The following IL17B variants were observed in gnomAD, a reference collection of about 807,000 sequenced individuals.
The protein encoded by IL17B is interleukin 17B.
Under a neutral mutation model 14.7 loss-of-function variants are expected in IL17B, and 14 were observed. The ratio of observed to expected loss-of-function variants is 0.95; its 90% CI spans 0.63 to 1.49. The LOEUF (loss-of-function observed/expected upper bound fraction) is 1.49, where lower values mean the gene tolerates loss of function less well. Ranked by LOEUF, IL17B falls within the 40% of genes most tolerant of loss-of-function variation. The pLI is 0.00. For synonymous variants in IL17B, 105 were observed against 94.8 expected (o/e 1.11, Z -0.62); for missense variants, 233 against 252.8 (o/e 0.92, Z 0.53).
intron 1 of IL17B, among the ~76,000 whole-genome samples, chr5:149,394,782 C>T (rs1456071384): frequency 1.3e-5 from 2 of 152,166 alleles, no homozygotes; most frequent in Non-Finnish European, 2.9e-5. Flanking sequence ...ACATCACACT[C>T]ATTTCCTATG....
intron 1 of IL17B, among the ~76,000 whole-genome samples, chr5:149,400,533 G>A (rs939473924): frequency 6.6e-6 from 1 of 152,216 alleles, no homozygotes; most frequent in Non-Finnish European, 1.5e-5. Context: ...GCAGAGGCAG[G>A]AGTGACCTCC....
intron 1 of IL17B, among the ~76,000 whole-genome samples, chr5:149,395,200 C>CT (rs577667701): frequency 2.0e-5 from 3 of 152,100 alleles, no homozygotes; most frequent in African/African-American, 7.2e-5. Context: ...TGATCTCTCT[C>CT]TTTTTTTAAT....
intron 2 of IL17B, 117 bp downstream of exon 2, chr5:149,376,619 A>G (rs774508395): frequency 3.1e-6 from 4 of 1,283,698 alleles, no homozygotes; most frequent in Non-Finnish European, 4.3e-6. Context: ...AGGCAGAGCT[A>G]GGGTTCGAAC....
rs56268721 is a variant in IL17B at position 149,390,587 on chromosome 5, GCACACACA to G, written n.95+13513_95+13520del. ...TCACAGCACCTCCATCCCTGAGTTAGCACACACACACACACACACACACACACACACAC... is the reference window on the plus strand; with the variant it reads ...TCACAGCACCTCCATCCCTGAGTTAGCACACACACACACACACACACACAC... On this transcript the variant is annotated intron_variant and non_coding_transcript_variant, in intron 1 of 2. Transcript: ENST00000505432. 2.3e-3 allele frequency among the ~76,000 whole-genome samples: 262 copies of G among 114,926 alleles called. 2 individuals carry two copies. The highest frequency in any genetic ancestry group is 4.1e-3 in the East Asian group (16 of 3,910). The allele number at this position is 114,926 out of a possible 152,430, so 75.4% of individuals were successfully genotyped here.
At chr5:149,396,970 A>C (rs1759105652) in intron 1 of IL17B, among the ~76,000 whole-genome samples, 1 of 152,128 alleles carries the variant, frequency 6.6e-6, no homozygotes, top group East Asian at 1.9e-4. Flanking sequence ...CAATTGAATA[A>C]TTTGGCAGGA....
upstream of IL17B, among the ~76,000 whole-genome samples, chr5:149,382,279 C>CGGTGTCGGGGTCACCGATTCCA (rs1056821869): frequency 1.2e-4 from 19 of 152,140 alleles, no homozygotes; most frequent in Middle Eastern, 6.8e-3. Flanking sequence ...ATGACACAGG[C>CGGTGTCGGGGTCACCGATTCCA]GGTGTCGGGG....
intron 1 of IL17B, among the ~76,000 whole-genome samples, chr5:149,392,569 CT>C (rs1758992233): frequency 6.6e-6 from 1 of 152,184 alleles, no homozygotes; most frequent in African/African-American, 2.4e-5. Flanking sequence ...TTTGCATAGA[CT>C]CTCTGGAAGT....
At position 149,402,281 on chromosome 5, in the gene IL17B, C is replaced by T. The variant is rs772655915; in HGVS notation, n.95+1827G>A. On this transcript the variant is annotated intron_variant and non_coding_transcript_variant, in intron 1 of 2. Coordinates refer to the IL17B transcript ENST00000505432. ...CCAAAGCAGCCACGGTAGTGGAAGA[C>T]GGTGCTCCCCCTAGACCAGAGAAGG... Among the ~76,000 whole-genome samples, 10 of 152,302 alleles carry T rather than the reference C, an allele frequency of 6.6e-5. No homozygotes were observed. In the East Asian group the frequency reaches 7.7e-4, roughly 12 times the overall value.
chr5:149,385,866 C>G (rs758699183), intron 1 of IL17B, among the ~76,000 whole-genome samples: 30 of 152,316 alleles, frequency 2.0e-4, no homozygotes, highest in East Asian at 5.8e-4. Context: ...TTCAGCCCCC[C>G]AGAGCCGCTC....
intron 1 of IL17B, among the ~76,000 whole-genome samples, chr5:149,396,554 G>T (rs1759094659): frequency 6.6e-6 from 1 of 152,128 alleles, no homozygotes; most frequent in Non-Finnish European, 1.5e-5. Flanking sequence ...CCAGGAATTT[G>T]AGACCAGCCT....
At chr5:149,396,524 G>A (rs1172492586) in intron 1 of IL17B, among the ~76,000 whole-genome samples, 2 of 152,172 alleles carry the variant, frequency 1.3e-5, no homozygotes, top group East Asian at 3.9e-4. Flanking sequence ...AGGAGGCTGA[G>A]GCAGGTGGAA....
At chr5:149,379,784 C>T (rs557237771), upstream of IL17B, among the ~76,000 whole-genome samples, 1 of 152,250 alleles carries the variant, frequency 6.6e-6, no homozygotes, top group African/African-American at 2.4e-5. Flanking sequence ...CAAAGCCCCA[C>T]CCCTCTAGAT....
chr5:149,376,912 C>T lies in IL17B; in HGVS notation c.135G>A (p.Val45=), dbSNP rs368454366. 163 of 1,613,960 alleles carry T rather than the reference C, an allele frequency of 1.0e-4. No homozygotes were observed. The highest frequency in any genetic ancestry group is 1.3e-4 in the Non-Finnish European group (155 of 1,179,970). ...PGPLAPGPHQ[V]PLDLVSRMKP... ...TCATCCGTGACACCAGGTCCAGTGGCACCTGGTGAGGGCCAGGGGCCAGGG... is the reference window on the plus strand; with the variant it reads ...TCATCCGTGACACCAGGTCCAGTGGTACCTGGTGAGGGCCAGGGGCCAGGG... The change falls in exon 2 of 3, where the codon GTG becomes GTA. Residue 45 remains valine (V), a synonymous_variant. Transcript: ENST00000261796.
At chr5:149,385,364 C>CA (rs72068052) in intron 1 of IL17B, among the ~76,000 whole-genome samples, 35 of 151,600 alleles carry the variant, frequency 2.3e-4, no homozygotes, top group Middle Eastern at 3.4e-3. Context: ...TCAGAAAAAA[C>CA]AAAAAAAAAT....
chr5:149,389,423 G>A (rs1758894124), intron 1 of IL17B, among the ~76,000 whole-genome samples: 1 of 152,256 alleles, frequency 6.6e-6, no homozygotes, highest in Non-Finnish European at 1.5e-5. Flanking sequence ...GTCAGAATTG[G>A]AGGGGACTTT....
At chr5:149,381,321 C>T (rs373899799), upstream of IL17B, among the ~76,000 whole-genome samples, 3 of 152,186 alleles carry the variant, frequency 2.0e-5, no homozygotes, top group East Asian at 1.9e-4. Context: ...GAAGTAGCAG[C>T]GCAAAAATCT....
In IL17B at chr5:149,374,267, T is replaced by C; in HGVS notation, c.*102A>G. 8.2e-7 allele frequency: 1 copy of C among 1,218,054 alleles called. No individual in the cohort carries two copies. Among genetic ancestry groups the C allele is most frequent in the South Asian group, 1.7e-5 (1 of 60,586 alleles). 75.5% of individuals were successfully genotyped at this position (1,218,054 alleles called of 1,614,324 possible). A position where few individuals can be genotyped will look rare whatever the true frequency, so the allele number is the denominator to read the frequency against. ...AGCCACAAAAAGCAAACCCAAAGTC[T>C]TGCTTTCAAAAGTCAGTGTTTACTT... is the stretch of plus-strand genomic sequence containing the variant. On this transcript the variant is annotated 3_prime_UTR_variant, in exon 3 of 3. Transcript: ENST00000261796. The surrounding 1 kb of genome is among the most constrained non-coding windows in gnomAD (Gnocchi z 5.0).
intron 1 of IL17B, among the ~76,000 whole-genome samples, chr5:149,387,280 G>A (rs1758843842): frequency 6.6e-6 from 1 of 152,214 alleles, no homozygotes; most frequent in Admixed American, 6.5e-5. Flanking sequence ...AGGAAGAAAT[G>A]GCTAGTGTGG....
chr5:149,382,365 C>T (rs1265046507), upstream of IL17B, among the ~76,000 whole-genome samples: 1 of 152,142 alleles, frequency 6.6e-6, no homozygotes, highest in Non-Finnish European at 1.5e-5. Flanking sequence ...GAGTGATTGC[C>T]TTTACTTTGA....
Sources: allele counts gnomAD v4.1 joint callset (sites outside exome capture counted in the v4.1 genomes callset), GRCh38; gene constraint gnomAD v4.1.1; non-coding constraint Gnocchi (gnomAD v3.1); transcripts MANE v1.5; gene names NCBI Gene and HGNC (gene_info 2026-07-23, HGNC 2026-07-21).